The following XDH variants were observed in gnomAD, a reference collection of about 807,000 sequenced individuals.
XDH encodes the protein xanthine dehydrogenase, also known as xanthine dehydrogenase/oxidase.
In XDH, 138 loss-of-function variants were observed where a neutral mutation model predicts 156.1. The observed-to-expected ratio is 0.88, with a 90% CI of 0.77 to 1.02. XDH has a LOEUF of 1.02. XDH is among the 50% of genes least tolerant of loss of function. XDH has a pLI of 0.00. For synonymous variants in XDH, 669 were observed against 625.7 expected (o/e 1.07, Z -1.03); for missense variants, 1,849 against 1,684.9 (o/e 1.10, Z -1.71).
rs148932399 is a variant in XDH at position 31,335,586 on chromosome 2, G to A, written c.*372C>T. On this transcript the variant is annotated 3_prime_UTR_variant, in exon 36 of 36. Transcript: ENST00000379416. The stretch of plus-strand genomic sequence containing the variant: ...AGTAACTTCGGTTTAAGCTTCTAGA[G>A]GTTTGTGGGAATCCTCTTCAAAGGA... 8.5e-6 allele frequency: 3 copies of A among 354,922 alleles called. No homozygotes were observed. The highest frequency in any genetic ancestry group is 6.6e-5 in the East Asian group (1 of 15,180). 22.0% of individuals were successfully genotyped at this position (354,922 alleles called of 1,614,324 possible).
At position 31,347,558 on chromosome 2, in the gene XDH, G is replaced by C; in HGVS notation, c.3240C>G (p.Ala1080=). 6.2e-7 allele frequency: 1 copy of C among 1,614,160 alleles called. No individual in the cohort carries two copies. The highest frequency in any genetic ancestry group is 8.5e-7 in the Non-Finnish European group (1 of 1,180,020). The stretch of plus-strand genomic sequence containing the variant: ...GTCCATTGAGGTCAGCGCTGACAGA[G>C]GCAGCCGTGGGAGAGGTGTTGGGCA... ...NTVPNTSPTA[A]SVSADLNGQA... The change falls in exon 29 of 36, where the codon GCC becomes GCG. Residue 1080 remains alanine, a synonymous_variant. Transcript: ENST00000379416.
At chr2:31,347,370 G>T in intron 29 of XDH, 152 bp downstream of exon 29, 1 of 1,198,824 alleles carries the variant, frequency 8.3e-7, no homozygotes, top group Non-Finnish European at 1.2e-6. Flanking sequence ...TTGAGGTTTG[G>T]AGAAACAGCA....
chr2:31,365,858 G>A, intron 22 of XDH, 118 bp downstream of exon 22: 1 of 1,519,630 alleles, frequency 6.6e-7, no homozygotes, highest in Non-Finnish European at 9.0e-7. Context: ...AGGGCTGTGA[G>A]AATTCAAAGC....
intron 27 of XDH, 72 bp from the exon 28 acceptor site, chr2:31,348,435 A>T: frequency 4.9e-6 from 7 of 1,438,282 alleles, no homozygotes; most frequent in African/African-American, 1.4e-5. Context: ...GACCAAAGGT[A>T]TGGAGCCCAG....
In XDH at chr2:31,347,522, A is replaced by G. The variant is rs764630347; in HGVS notation, c.3276T>C (p.Tyr1092=). The change falls in exon 29 of 36, where the codon TAT becomes TAC. Residue 1092 remains tyrosine, a splice_region_variant and synonymous_variant. Coordinates refer to ENST00000379416, the MANE Select transcript of XDH (RefSeq NM_000379.4). ...VSADLNGQAV[Y]AACQTILKRL... ...CTGCGGGATCCCATGGGCTCCTTAC[A>G]TAGACGGCCTGTCCATTGAGGTCAG... 15 of 1,613,658 alleles carry G rather than the reference A, an allele frequency of 9.3e-6. No homozygotes were observed. The highest frequency in any genetic ancestry group is 1.3e-5 in the Non-Finnish European group (15 of 1,179,980).
Position 31,347,490 on chromosome 2 carries a change from C to T in XDH, c.3276+32G>A, listed in dbSNP as rs746897796. The stretch of plus-strand genomic sequence containing the variant: ...CCAGGCCCACAGCTCTGGGCTGGCC[C>T]TCTGCTCTGCGGGATCCCATGGGCT... On this transcript the variant is annotated intron_variant, in intron 29 of 35. Transcript: ENST00000379416. 10 of 1,612,614 alleles carry T rather than the reference C, an allele frequency of 6.2e-6. No homozygotes were observed. In the Admixed American group the frequency reaches 1.2e-4, roughly 19 times the overall value.
chr2:31,398,478 G>A, intron 5 of XDH, 95 bp downstream of exon 5: 2 of 1,599,868 alleles, frequency 1.3e-6, no homozygotes, highest in Non-Finnish European at 1.7e-6. Context: ...CCTCCAAAGG[G>A]TAGTCCCTCA....
chr2:31,403,132 C>T lies in XDH; in HGVS notation c.113G>A (p.Gly38Glu). The T allele has an allele frequency of 6.2e-7, 1 of 1,614,128 alleles. No homozygotes were observed. Among genetic ancestry groups the T allele is most frequent in the Non-Finnish European group, 8.5e-7 (1 of 1,180,022 alleles). Reference protein sequence around the residue: ...AYLRRKLGLSGTKLGCGEGGC... With the variant: ...AYLRRKLGLSETKLGCGEGGC... ...CCCCTCTCCACAGCCGAGCTTGGTT[C>T]CACTCAGCCCCACTGGGTGGTCAAG... The change falls in exon 3 of 36, where the codon GGA (glycine) becomes GAA (glutamate). Residue 38 changes from glycine to glutamate, a missense_variant. Coordinates refer to ENST00000379416, the MANE Select transcript of XDH (RefSeq NM_000379.4).
chr2:31,382,553 C>T (rs1012245834), intron 11 of XDH, among the ~76,000 whole-genome samples: 2 of 152,110 alleles, frequency 1.3e-5, no homozygotes, highest in African/African-American at 4.8e-5. Flanking sequence ...TGTATTCCTC[C>T]CTCTGTGGGA....
At position 31,334,909 on chromosome 2, in the gene XDH, G is replaced by C. The variant is rs570059327; in HGVS notation, c.*1049C>G. 1 of 152,078 alleles carries C rather than the reference G, an allele frequency of 6.6e-6. No individual in the cohort carries two copies. The highest frequency in any genetic ancestry group is 1.9e-4 in the East Asian group (1 of 5,176). The allele number at this position is 152,078 out of a possible 1,614,324, so 9.4% of individuals were successfully genotyped here. ...TTCAGAGACAAGATCTTGCTCAGTC[G>C]CTCAGGCAGGAGTGCAGTGGCGCAA... On this transcript the variant is annotated 3_prime_UTR_variant, in exon 36 of 36. Transcript: ENST00000379416.
rs187958068 is a variant in XDH, at chr2:31,339,202, C to T, written c.3774+287G>A. Among the ~76,000 whole-genome samples, 624 of 152,184 alleles carry T rather than the reference C, an allele frequency of 4.1e-3. 4 individuals are homozygous for T. In the Middle Eastern group the frequency reaches 0.044, roughly 11 times the overall value. On this transcript the variant is annotated intron_variant, in intron 34 of 35. Transcript: ENST00000379416. ...CGTACGCCTGAGATATGGGTGTGGG[C>T]CAGGATTTAAATGAGAAGATTTGAT...
chr2:31,365,900 C>T, intron 22 of XDH, 76 bp downstream of exon 22: 2 of 1,608,758 alleles, frequency 1.2e-6, no homozygotes, highest in Non-Finnish European at 1.7e-6. Context: ...GGGGGAAGTC[C>T]TGAAAACCTT....
rs10084228 is a variant in XDH, at chr2:31,342,032, C to T, written c.3519+151G>A. The T allele has an allele frequency of 3.2e-3, 2,268 of 709,666 alleles. 37 individuals carry two copies. In the African/African-American group the frequency reaches 0.035, roughly 11 times the overall value. 44.0% of individuals were successfully genotyped at this position (709,666 alleles called of 1,614,324 possible). A position where few individuals can be genotyped will look rare whatever the true frequency, so the allele number is the denominator to read the frequency against. The stretch of plus-strand genomic sequence containing the variant: ...TGGCCCACGAAGTCTAAAACACTTA[C>T]TCTGTGGCCCTTTATAGGATGTTTG... On this transcript the variant is annotated intron_variant, in intron 32 of 35. Coordinates refer to ENST00000379416, the MANE Select transcript of XDH (RefSeq NM_000379.4).
intron 26 of XDH, 146 bp downstream of exon 26, chr2:31,349,540 T>G: frequency 8.2e-7 from 1 of 1,213,646 alleles, no homozygotes; most frequent in South Asian, 1.2e-5. Context: ...TTATAAGATC[T>G]TAAAGAGATG....
intron 35 of XDH, among the ~76,000 whole-genome samples, chr2:31,336,879 A>G: frequency 1.9e-5 from 1 of 53,900 alleles, no homozygotes; most frequent in Non-Finnish European, 3.8e-5. Flanking sequence ...CACAGGTTGC[A>G]GTTGCAAAGG....
At chr2:31,388,484 G>A (rs45489991) in intron 6 of XDH, among the ~76,000 whole-genome samples, 189 bp from the exon 7 acceptor site, 61 of 152,296 alleles carry the variant, frequency 4.0e-4, no homozygotes, top group African/African-American at 1.4e-3. Context: ...CTTGGCTAAC[G>A]TAGATTAAAC....
Position 31,347,627 on chromosome 2 carries a change from GA to G in XDH, c.3170del (p.Ile1057ThrfsTer43), listed in dbSNP as rs1685336988. On this transcript the variant is annotated frameshift_variant, in exon 29 of 36. Coordinates refer to ENST00000379416, the MANE Select transcript of XDH (RefSeq NM_000379.4). LOFTEE classifies it high-confidence loss of function. ...CGCTGATATAAATCTTAGAGGTGGG[GA>G]TTTTCAGAGCTCTACTGGCCACCTG... ...MVQVASRALK[I>X]PTSKIYISET... 1 of 1,613,986 alleles carries G rather than the reference GA, an allele frequency of 6.2e-7. No homozygotes were observed. The highest frequency in any genetic ancestry group is 1.7e-5 in the Admixed American group (1 of 59,994).
At chr2:31,398,729 G>C (rs150901883) in intron 4 of XDH, 30 bp from the exon 5 acceptor site, 1,579 of 1,612,476 alleles carry the variant, frequency 9.8e-4, no homozygotes, top group Non-Finnish European at 1.3e-3. Flanking sequence ...TAGACACCTG[G>C]GATGGCAGAA....
chr2:31,370,932 C>G (rs150274954), intron 17 of XDH, among the ~76,000 whole-genome samples: 3 of 152,202 alleles, frequency 2.0e-5, no homozygotes, highest in African/African-American at 4.8e-5. Context: ...CATATCAGAA[C>G]GAACAGCACT....
Sources: gnomAD v4.1 joint callset for allele counts (sites outside exome capture counted in the v4.1 genomes callset) on GRCh38, gnomAD v4.1.1 for gene constraint, MANE v1.5 for transcripts, NCBI Gene and HGNC (gene_info 2026-07-23, HGNC 2026-07-21) for gene names.